The following LSAMP variants were observed in gnomAD, a reference collection of about 807,000 sequenced individuals.
LSAMP encodes the protein limbic system associated membrane protein, also known as limbic system-associated membrane protein.
LSAMP carries 7 observed loss-of-function variants against 38.6 expected under a neutral mutation model. The observed-to-expected ratio is 0.18, with a 90% CI of 0.10 to 0.34. The LOEUF is 0.34. Ranked by LOEUF, LSAMP falls within the 10% of genes least tolerant of loss-of-function variation. The pLI, the probability that LSAMP is intolerant of heterozygous loss-of-function variation, is 1.00. For missense variants in LSAMP, 313 were observed against 420.0 expected, an observed-to-expected ratio of 0.75 and a Z score of 2.23; for synonymous variants, 154 against 166.8, an observed-to-expected ratio of 0.92 and a Z score of 0.59.
intron 3 of LSAMP, among the ~76,000 whole-genome samples, chr3:115,985,680 T>C (rs970019299): frequency 2.0e-5 from 3 of 152,198 alleles, no homozygotes; most frequent in Non-Finnish European, 2.9e-5. Flanking sequence ...GGATAACAGA[T>C]GCCCAAGGAA....
intron 1 of LSAMP, among the ~76,000 whole-genome samples, chr3:116,230,052 T>C (rs1474218953): frequency 1.3e-5 from 2 of 152,126 alleles, no homozygotes; most frequent in Non-Finnish European, 2.9e-5. Context: ...GGCAGAAGAA[T>C]AAGAAAGTGT....
intron 1 of LSAMP, among the ~76,000 whole-genome samples, chr3:116,299,523 T>G (rs994242770): frequency 6.6e-6 from 1 of 152,234 alleles, no homozygotes; most frequent in Non-Finnish European, 1.5e-5. Flanking sequence ...GTACTTACAC[T>G]GAGAATAATA....
intron 3 of LSAMP, among the ~76,000 whole-genome samples, chr3:115,982,385 C>CTA (rs549821921): frequency 2.3e-4 from 35 of 152,266 alleles, no homozygotes; most frequent in Admixed American, 1.5e-3. Flanking sequence ...ATCTGGATGC[C>CTA]TATTAGTCCA....
chr3:116,369,994 T>A (rs1268003167), intron 1 of LSAMP: 1 of 152,574 alleles, frequency 6.6e-6, no homozygotes, highest in African/African-American at 2.4e-5. Context: ...TGGAAAAAAA[T>A]TCTATTTTTT....
intron 1 of LSAMP, among the ~76,000 whole-genome samples, chr3:116,317,598 A>G (rs1272441312): frequency 5.3e-5 from 8 of 150,596 alleles, no homozygotes; most frequent in Non-Finnish European, 8.9e-5. Context: ...CTTGTGATCC[A>G]CCCTCCTTGG....
intron 3 of LSAMP, among the ~76,000 whole-genome samples, chr3:115,962,837 G>C (rs941630146): frequency 1.3e-5 from 2 of 152,160 alleles, no homozygotes; most frequent in African/African-American, 4.8e-5. Context: ...ATATGCAAAT[G>C]ATAGGCCTCA....
intron 1 of LSAMP, among the ~76,000 whole-genome samples, chr3:116,297,525 A>G (rs1439869131): frequency 6.6e-6 from 1 of 152,218 alleles, no homozygotes; most frequent in African/African-American, 2.4e-5. Flanking sequence ...GTGATAATAT[A>G]TGATACCATA....
At chr3:116,281,706 A>G (rs767737253) in intron 1 of LSAMP, among the ~76,000 whole-genome samples, 15 of 152,234 alleles carry the variant, frequency 9.9e-5, no homozygotes, top group South Asian at 4.1e-4. Context: ...ATACTCTTAA[A>G]TCAAAAGCCA....
intron 1 of LSAMP, among the ~76,000 whole-genome samples, chr3:116,264,235 T>C (rs1327073916): frequency 3.9e-5 from 6 of 152,138 alleles, no homozygotes; most frequent in Non-Finnish European, 8.8e-5. Context: ...AAATGTACTC[T>C]TCTGAGATAA....
chr3:115,860,323 C>T (rs946494216), intron 3 of LSAMP, among the ~76,000 whole-genome samples: 4 of 152,226 alleles, frequency 2.6e-5, no homozygotes, highest in Non-Finnish European at 5.9e-5. Flanking sequence ...TGAGCTTTGA[C>T]CCAGGTCTGT....
chr3:116,317,559 G>A (rs955274070), intron 1 of LSAMP, among the ~76,000 whole-genome samples: 4 of 151,672 alleles, frequency 2.6e-5, no homozygotes, highest in Non-Finnish European at 5.9e-5. Flanking sequence ...GTTTCACCGT[G>A]TTAGCTAGGA....
intron 1 of LSAMP, among the ~76,000 whole-genome samples, chr3:116,216,741 A>C (rs1294542866): frequency 2.6e-5 from 4 of 152,216 alleles, no homozygotes; most frequent in Admixed American, 1.3e-4. Flanking sequence ...TTAAGGAAGA[A>C]GTGTTGGAAA....
At chr3:115,995,908 A>T (rs1182157946) in intron 3 of LSAMP, among the ~76,000 whole-genome samples, 1 of 152,088 alleles carries the variant, frequency 6.6e-6, no homozygotes, top group African/African-American at 2.4e-5. Flanking sequence ...GTGAATAAAC[A>T]TTAGAGAAAA....
intron 1 of LSAMP, among the ~76,000 whole-genome samples, chr3:116,422,300 G>T (rs1476288486): frequency 6.6e-6 from 1 of 151,436 alleles, no homozygotes; most frequent in East Asian, 1.9e-4. Context: ...TGAAAATATT[G>T]AAAAAATGAA....
rs75766732 is a variant in LSAMP at position 116,269,871 on chromosome 3, T to C, written c.155+175006A>G. On this transcript the variant is annotated intron_variant, in intron 1 of 6. Coordinates refer to ENST00000490035, the MANE Select transcript of LSAMP (RefSeq NM_002338.5). The stretch of plus-strand genomic sequence containing the variant: ...TAAACCAAAGAAACTGCCCAAACAT[T>C]GTATAAGCATACCTTATATTGTACA... Among the ~76,000 whole-genome samples the C allele has an allele frequency of 1.8e-3, 277 of 152,268 alleles. 2 individuals are homozygous for C. The highest frequency in any genetic ancestry group is 6.3e-3 in the African/African-American group (262 of 41,568).
chr3:116,312,817 C>T (rs2047574940), intron 1 of LSAMP, among the ~76,000 whole-genome samples: 1 of 152,126 alleles, frequency 6.6e-6, no homozygotes, highest in African/African-American at 2.4e-5. Context: ...TCCAAAAAAT[C>T]CAATATTTGT....
chr3:116,033,632 A>G (rs539113168), intron 2 of LSAMP, among the ~76,000 whole-genome samples: 46 of 152,110 alleles, frequency 3.0e-4, no homozygotes, highest in Non-Finnish European at 4.9e-4. Flanking sequence ...AGAGCACTCT[A>G]GCGAATGATT....
At chr3:116,056,409 C>T (rs1941491295) in intron 2 of LSAMP, among the ~76,000 whole-genome samples, 1 of 152,060 alleles carries the variant, frequency 6.6e-6, no homozygotes, top group African/African-American at 2.4e-5. Flanking sequence ...CTGGTACAGA[C>T]CTACCTAGCT....
chr3:116,080,100 C>T (rs1307438799), intron 2 of LSAMP, among the ~76,000 whole-genome samples: 2 of 152,026 alleles, frequency 1.3e-5, no homozygotes, highest in Non-Finnish European at 2.9e-5. Context: ...TGCCATAGAC[C>T]GGATGTAGTT....
Sources: allele counts gnomAD v4.1 joint callset (sites outside exome capture counted in the v4.1 genomes callset), GRCh38; gene constraint gnomAD v4.1.1; transcripts MANE v1.5; gene names NCBI Gene and HGNC (gene_info 2026-07-23, HGNC 2026-07-21).